The following CPEB1 variants were observed in gnomAD, a reference collection of about 807,000 sequenced individuals.
CPEB1 encodes cytoplasmic polyadenylation element binding protein 1.
CPEB1 carries 7 observed loss-of-function variants against 65.8 expected under a neutral mutation model. That is an observed-to-expected ratio of 0.11 (90% CI 0.06 to 0.20). The LOEUF (loss-of-function observed/expected upper bound fraction) is 0.20, where lower values mean the gene tolerates loss of function less well. Ranked by LOEUF, CPEB1 falls within the 10% of genes least tolerant of loss-of-function variation. The probability of loss-of-function intolerance (pLI) is 1.00; values close to 1 mark genes in which losing one functional copy is unlikely to be tolerated. For missense variants in CPEB1, 551 were observed against 712.2 expected (o/e 0.77, Z 2.58); for synonymous variants, 262 against 260.0 (o/e 1.01, Z -0.08).
intron 2 of CPEB1, chr15:82,628,097 C>A: frequency 1.5e-6 from 1 of 657,084 alleles, no homozygotes; most frequent in Non-Finnish European, 2.7e-6. Flanking sequence ...GGAAGAGAAC[C>A]CCAATAGAGA....
intron 4 of CPEB1, among the ~76,000 whole-genome samples, chr15:82,558,584 T>C (rs1442048541): frequency 6.6e-6 from 1 of 152,214 alleles, no homozygotes; most frequent in Non-Finnish European, 1.5e-5. Context: ...GTTAAGCCCA[T>C]TCTTTGACTT....
intron 3 of CPEB1, among the ~76,000 whole-genome samples, chr15:82,576,544 A>C (rs1386120195): frequency 6.6e-6 from 1 of 152,226 alleles, no homozygotes; most frequent in Non-Finnish European, 1.5e-5. Context: ...ATTTAAAGAT[A>C]TGTGATAAGG....
chr15:82,580,913 G>C lies in CPEB1; in HGVS notation c.272-9381C>G, dbSNP rs150730981. ...GTCACCCAGGTTGGGATGCAATGAC[G>C]CAATAATGGCTCACTACAGCCTCAG... On this transcript the variant is annotated intron_variant, in intron 3 of 12. Transcript: ENST00000684509. Among the ~76,000 whole-genome samples, 5 of 150,700 alleles carry C rather than the reference G, an allele frequency of 3.3e-5. 1 individual carries two copies. The East Asian group carries it at 9.7e-4, about 29-fold the overall frequency.
At chr15:82,638,411 A>G (rs1182263435) in intron 1 of CPEB1, among the ~76,000 whole-genome samples, 2 of 152,200 alleles carry the variant, frequency 1.3e-5, no homozygotes, top group Non-Finnish European at 2.9e-5. Context: ...AGTACCACCA[A>G]TCTCACCAGG....
chr15:82,557,890 T>C lies in CPEB1; in HGVS notation c.557A>G (p.Lys186Arg). ...TCCTCTAACTGAGGGTGCTGGAAAC[T>C]TGTCCACCAAGTCAGACCCAAGGGG... ...LDPLGSDLVDKFPAPSVRGSR... is the reference protein window; with the variant it reads ...LDPLGSDLVDRFPAPSVRGSR... Residue 186 changes from lysine to arginine, a missense_variant, in exon 5 of 13, where the codon AAG (lysine) becomes AGG (arginine). Physicochemically the swap from Lys to Arg is conservative, Grantham distance 26. This residue lies in a region of CPEB1 where 223 missense variants were observed against 228.6 expected (regional missense o/e 0.98). Transcript: ENST00000684509. 1 of 1,614,150 alleles carries C rather than the reference T, an allele frequency of 6.2e-7. No homozygotes were observed. The highest frequency in any genetic ancestry group is 8.5e-7 in the Non-Finnish European group (1 of 1,180,016).
chr15:82,562,493 G>T, intron 4 of CPEB1: 1 of 185,040 alleles, frequency 5.4e-6, no homozygotes, highest in Non-Finnish European at 1.1e-5. Context: ...CTAATCAATT[G>T]CCTTATCATA....
intron 3 of CPEB1, among the ~76,000 whole-genome samples, chr15:82,592,161 T>C (rs933338210): frequency 2.6e-5 from 4 of 152,086 alleles, no homozygotes; most frequent in Admixed American, 2.6e-4. Flanking sequence ...GTTATTTTTA[T>C]TGCCAAATAA....
At chr15:82,552,981 A>G (rs546925261) in intron 8 of CPEB1, among the ~76,000 whole-genome samples, 2 of 152,312 alleles carry the variant, frequency 1.3e-5, no homozygotes, top group African/African-American at 2.4e-5. Context: ...GTTCAGTTCA[A>G]TGAAGATGGG....
At chr15:82,578,088 C>T (rs553560156) in intron 3 of CPEB1, among the ~76,000 whole-genome samples, 9 of 151,914 alleles carry the variant, frequency 5.9e-5, no homozygotes, top group East Asian at 2.0e-4. Flanking sequence ...TGCAGTGAGC[C>T]GAGATCGTGC....
At chr15:82,557,691 C>T (rs1209290445) in intron 5 of CPEB1, 69 bp downstream of exon 5, 19 of 1,339,142 alleles carry the variant, frequency 1.4e-5, no homozygotes, top group Non-Finnish European at 2.0e-5. Context: ...AGATATTGTA[C>T]CCTCCTTCCC....
At chr15:82,564,161 G>A (rs934738182) in intron 4 of CPEB1, among the ~76,000 whole-genome samples, 7 of 152,302 alleles carry the variant, frequency 4.6e-5, no homozygotes, top group Non-Finnish European at 8.8e-5. Flanking sequence ...AAAAGCAGGT[G>A]AACAATGACT....
chr15:82,584,542 G>C (rs955585777), intron 3 of CPEB1, among the ~76,000 whole-genome samples: 12 of 151,814 alleles, frequency 7.9e-5, no homozygotes, highest in Non-Finnish European at 1.5e-5. Context: ...GCCAGGCGTG[G>C]TGGTGGGCAC....
chr15:82,574,340 G>A (rs558360978), intron 3 of CPEB1, among the ~76,000 whole-genome samples: 1 of 152,258 alleles, frequency 6.6e-6, no homozygotes, highest in Admixed American at 6.5e-5. Context: ...TGCTCACCAG[G>A]TCTGCCACTG....
intron 3 of CPEB1, among the ~76,000 whole-genome samples, chr15:82,593,545 T>A (rs1291668352): frequency 6.6e-6 from 1 of 152,216 alleles, no homozygotes; most frequent in Non-Finnish European, 1.5e-5. Context: ...CTCAAAGTCA[T>A]CTATGAAGTT....
At chr15:82,571,944 G>T in intron 3 of CPEB1, 1 of 779,818 alleles carries the variant, frequency 1.3e-6, no homozygotes, top group Non-Finnish European at 1.6e-6. Context: ...GAATAGTCCC[G>T]GTGCAGTGCC....
intron 3 of CPEB1, among the ~76,000 whole-genome samples, chr15:82,588,601 AGTT>A (rs1033302758): frequency 1.2e-4 from 19 of 152,176 alleles, no homozygotes; most frequent in Non-Finnish European, 2.6e-4. Flanking sequence ...TGCTTCTAGT[AGTT>A]TTTATTTCTT....
At chr15:82,644,296 C>A (rs587754003) in intron 1 of CPEB1, among the ~76,000 whole-genome samples, 92 of 152,312 alleles carry the variant, frequency 6.0e-4, no homozygotes, top group African/African-American at 2.2e-3. Context: ...CTAGAATGTA[C>A]GCCACCAATA....
At chr15:82,628,870 T>C (rs77087631) in intron 1 of CPEB1, 3,071 of 171,104 alleles carry the variant, frequency 0.018, 96 homozygotes, top group African/African-American at 0.069. Flanking sequence ...GCCTACTTTA[T>C]CGTAAGAATA....
intron 3 of CPEB1, among the ~76,000 whole-genome samples, chr15:82,626,049 G>A (rs1596126368): frequency 6.6e-6 from 1 of 151,928 alleles, no homozygotes; most frequent in Non-Finnish European, 1.5e-5. Context: ...GAACCCAGGA[G>A]GCAGAGGTTA....
Sources: gnomAD v4.1 joint callset for allele counts (sites outside exome capture counted in the v4.1 genomes callset) on GRCh38, gnomAD v4.1.1 for gene constraint, gnomAD v4.1.1 regional missense constraint, MANE v1.5 for transcripts, NCBI Gene and HGNC (gene_info 2026-07-23, HGNC 2026-07-21) for gene names.